R3HDM1: variants seen among roughly 807,000 people sequenced by gnomAD.
The protein encoded by R3HDM1 is R3H domain containing 1, also known as R3H domain-containing protein 1.
In R3HDM1, 46 loss-of-function variants were observed where a neutral mutation model predicts 141.1. The observed-to-expected ratio is 0.33, with a 90% confidence interval of 0.26 to 0.42. The LOEUF (loss-of-function observed/expected upper bound fraction) is 0.42, where lower values mean the gene tolerates loss of function less well. Ranked by LOEUF, R3HDM1 falls within the 10% of genes least tolerant of loss-of-function variation. The probability of loss-of-function intolerance (pLI) is 1.00; values close to 1 mark genes in which losing one functional copy is unlikely to be tolerated. For synonymous variants in R3HDM1, 435 were observed against 472.9 expected, an observed-to-expected ratio of 0.92 and a Z score of 1.04; for missense variants, 1,184 against 1,368.3, an observed-to-expected ratio of 0.87 and a Z score of 2.12.
At chr2:135,696,964 G>C (rs1575086714) in intron 21 of R3HDM1, among the ~76,000 whole-genome samples, 1 of 152,172 alleles carries the variant, frequency 6.6e-6, no homozygotes, top group African/African-American at 2.4e-5. Flanking sequence ...CTGTTACAGA[G>C]TCATATTGAA....
At chr2:135,621,719 C>G (rs1029612857) in intron 6 of R3HDM1, 111 bp downstream of exon 6, 4 of 1,340,478 alleles carry the variant, frequency 3.0e-6, no homozygotes, top group Non-Finnish European at 3.9e-6. Flanking sequence ...TGACACAGAA[C>G]AGACTGGAAG....
chr2:135,698,980 C>CAGATAGATAGATAGAT (rs71400533), intron 21 of R3HDM1, among the ~76,000 whole-genome samples: 9 of 78,188 alleles, frequency 1.2e-4, no homozygotes, highest in East Asian at 5.5e-4. Flanking sequence ...ATATTACACT[C>CAGATAGATAGATAGAT]AGATAGATAG....
At chr2:135,663,035 A>G (rs1022368817) in intron 19 of R3HDM1, among the ~76,000 whole-genome samples, 2 of 151,834 alleles carry the variant, frequency 1.3e-5, no homozygotes, top group Non-Finnish European at 2.9e-5. Flanking sequence ...TTGTTCTTCA[A>G]CATGGCAAAA....
In R3HDM1 at chr2:135,641,511, A is replaced by G. The variant is rs566603458; in HGVS notation, c.1220-25A>G. ...TTTTTATATGAGGTTTAAAAAATCC[A>G]TATTTTTCATTACTCCTCTTCTAGG... On this transcript the variant is annotated intron_variant, in intron 14 of 26. Coordinates refer to ENST00000683871, the MANE Select transcript of R3HDM1 (RefSeq NM_001378107.1). The G allele has an allele frequency of 8.9e-6, 14 of 1,569,394 alleles. No individual in the cohort carries two copies. In the East Asian group the frequency reaches 2.0e-4, roughly 23 times the overall value.
intron 19 of R3HDM1, among the ~76,000 whole-genome samples, chr2:135,668,689 C>T (rs887999663): frequency 6.6e-6 from 1 of 152,196 alleles, no homozygotes; most frequent in South Asian, 2.1e-4. Flanking sequence ...AACTTCAAGA[C>T]TTCGCCCATA....
intron 7 of R3HDM1, among the ~76,000 whole-genome samples, chr2:135,627,517 G>T (rs1204429165): frequency 6.6e-6 from 1 of 152,006 alleles, no homozygotes; most frequent in African/African-American, 2.4e-5. Flanking sequence ...GAACCTGAAG[G>T]TGTTACTGAT....
chr2:135,637,543 G>T (rs1301771318), intron 11 of R3HDM1, among the ~76,000 whole-genome samples: 1 of 152,102 alleles, frequency 6.6e-6, no homozygotes, highest in Non-Finnish European at 1.5e-5. Flanking sequence ...AGCTACTCAG[G>T]AGGCTGAGAC....
At chr2:135,723,043 C>T (rs2076846380) in intron 26 of R3HDM1, among the ~76,000 whole-genome samples, 1 of 152,044 alleles carries the variant, frequency 6.6e-6, no homozygotes, top group African/African-American at 2.4e-5. Flanking sequence ...TTTAGAGAAG[C>T]CACTGTACAA....
At chr2:135,627,587 G>A (rs2062175618) in intron 7 of R3HDM1, among the ~76,000 whole-genome samples, 1 of 151,968 alleles carries the variant, frequency 6.6e-6, no homozygotes, top group Non-Finnish European at 1.5e-5. Flanking sequence ...TAGCCATATT[G>A]TATAAATTTT....
chr2:135,618,334 G>A (rs998361621), intron 5 of R3HDM1, among the ~76,000 whole-genome samples: 3 of 151,666 alleles, frequency 2.0e-5, no homozygotes, highest in African/African-American at 7.3e-5. Context: ...CTAATTTTTT[G>A]TATTTTTAGT....
chr2:135,597,519 A>G (rs1035355083), intron 1 of R3HDM1, among the ~76,000 whole-genome samples: 1 of 152,248 alleles, frequency 6.6e-6, no homozygotes, highest in African/African-American at 2.4e-5. Flanking sequence ...CATTTGAACA[A>G]TTTGGTTGTG....
At chr2:135,543,092 A>G in intron 1 of R3HDM1, 2 of 984,366 alleles carry the variant, frequency 2.0e-6, no homozygotes, top group Non-Finnish European at 2.4e-6. Flanking sequence ...GTAAAAGACC[A>G]CCAACTTGGG....
At position 135,632,329 on chromosome 2, in the gene R3HDM1, A is replaced by T. The variant is rs1375205531; in HGVS notation, c.698+328A>T. Among the ~76,000 whole-genome samples the T allele has an allele frequency of 1.2e-4, 9 of 74,650 alleles. No individual in the cohort carries two copies. The South Asian group carries it at 2.5e-3, about 20-fold the overall frequency. 49.0% of individuals were successfully genotyped at this position (74,650 alleles called of 152,430 possible). A position where few individuals can be genotyped will look rare whatever the true frequency, so the allele number is the denominator to read the frequency against. ...GCTGTAGCCAGCCTTAGTCAAATTT[A>T]AAAAAAAAAAAAAAAACACAAGAGA... On this transcript the variant is annotated intron_variant, in intron 9 of 26. Coordinates refer to ENST00000683871, the MANE Select transcript of R3HDM1 (RefSeq NM_001378107.1).
At chr2:135,637,063 C>T (rs1489359001) in intron 11 of R3HDM1, among the ~76,000 whole-genome samples, 1 of 152,106 alleles carries the variant, frequency 6.6e-6, no homozygotes. Context: ...GGATTTCAAC[C>T]CAGGTCTGCT....
intron 15 of R3HDM1, among the ~76,000 whole-genome samples, chr2:135,642,202 C>T (rs1413586017): frequency 2.0e-5 from 3 of 150,834 alleles, no homozygotes; most frequent in African/African-American, 7.3e-5. Flanking sequence ...AGCTTTTTTT[C>T]ATTATATAAT....
rs553657448 is a variant in R3HDM1, at chr2:135,543,188, T to G, written c.-250+11555T>G. 4.3e-5 allele frequency: 27 copies of G among 633,468 alleles called. No homozygotes were observed. The African/African-American group carries it at 5.0e-4, about 12-fold the overall frequency. The allele number at this position is 633,468 out of a possible 1,614,324, so 39.2% of individuals were successfully genotyped here. On this transcript the variant is annotated intron_variant, in intron 1 of 26. Transcript: ENST00000683871. ...AGGGGTTCAGATTTATTTTTATACG[T>G]GAATATCTAGTTTTCTGCACCATTA...
intron 21 of R3HDM1, among the ~76,000 whole-genome samples, chr2:135,697,961 A>G (rs544376044): frequency 6.6e-6 from 1 of 151,322 alleles, no homozygotes; most frequent in African/African-American, 2.4e-5. Flanking sequence ...GCTGACGCAT[A>G]AGAATCACTT....
intron 21 of R3HDM1, among the ~76,000 whole-genome samples, chr2:135,707,484 G>A (rs1009464670): frequency 2.0e-5 from 3 of 152,190 alleles, no homozygotes; most frequent in Non-Finnish European, 4.4e-5. Flanking sequence ...GTAATCTAGT[G>A]CTAGAAACCC....
intron 16 of R3HDM1, among the ~76,000 whole-genome samples, chr2:135,647,139 A>T (rs917080911): frequency 6.6e-6 from 1 of 152,230 alleles, no homozygotes; most frequent in Admixed American, 6.5e-5. Context: ...CAGTTAATGT[A>T]TGTAGAAGAG....
Sources: gnomAD v4.1 joint callset for allele counts (sites outside exome capture counted in the v4.1 genomes callset) on GRCh38, gnomAD v4.1.1 for gene constraint, MANE v1.5 for transcripts, NCBI Gene and HGNC (gene_info 2026-07-23, HGNC 2026-07-21) for gene names.